Variants in LRMDA observed in about 807,000 individuals in gnomAD.
LRMDA encodes the protein leucine rich melanocyte differentiation associated.
Under a neutral mutation model 29.8 loss-of-function variants are expected in LRMDA, and 18 were observed. The ratio of observed to expected loss-of-function variants is 0.60; its 90% confidence interval spans 0.42 to 0.90. LRMDA has a LOEUF of 0.90. Ranked by LOEUF, LRMDA falls within the 40% of genes least tolerant of loss-of-function variation. LRMDA has a pLI of 0.00. For missense variants in LRMDA, 273 were observed against 273.9 expected, an observed-to-expected ratio of 1.00 and a Z score of 0.02; for synonymous variants, 125 against 109.4, an observed-to-expected ratio of 1.14 and a Z score of -0.89.
At chr10:75,652,778 G>T (rs1438054846) in intron 2 of LRMDA, among the ~76,000 whole-genome samples, 1 of 152,090 alleles carries the variant, frequency 6.6e-6, no homozygotes, top group African/African-American at 2.4e-5. Flanking sequence ...TGAAAATAGG[G>T]TCCCCTTTGA....
At chr10:75,575,820 C>T (rs1452318086) in intron 2 of LRMDA, among the ~76,000 whole-genome samples, 3 of 152,294 alleles carry the variant, frequency 2.0e-5, no homozygotes, top group Non-Finnish European at 4.4e-5. Context: ...CTGTATCATG[C>T]ACTCCGGCCC....
At chr10:75,913,931 C>T (rs1189631855) in intron 2 of LRMDA, among the ~76,000 whole-genome samples, 3 of 152,164 alleles carry the variant, frequency 2.0e-5, no homozygotes, top group African/African-American at 7.2e-5. Flanking sequence ...CTTGCCCCGC[C>T]GTGGGGGTAA....
chr10:75,903,279 G>T (rs1344685152), intron 2 of LRMDA, among the ~76,000 whole-genome samples: 1 of 152,206 alleles, frequency 6.6e-6, no homozygotes, highest in Non-Finnish European at 1.5e-5. Context: ...GGGTAACTGA[G>T]CACAGGTCAG....
At chr10:76,138,417 A>C (rs1309452204) in intron 5 of LRMDA, among the ~76,000 whole-genome samples, 1 of 151,986 alleles carries the variant, frequency 6.6e-6, no homozygotes, top group Non-Finnish European at 1.5e-5. Context: ...CACCTTGCCT[A>C]TTTCTACTTC....
intron 2 of LRMDA, among the ~76,000 whole-genome samples, chr10:75,857,992 A>C (rs982778861): frequency 6.6e-6 from 1 of 152,220 alleles, no homozygotes; most frequent in Non-Finnish European, 1.5e-5. Context: ...TTAGAAAGAG[A>C]AAAAGGATTT....
At chr10:75,528,975 A>G (rs1190219890) in intron 2 of LRMDA, among the ~76,000 whole-genome samples, 5 of 152,208 alleles carry the variant, frequency 3.3e-5, no homozygotes, top group Non-Finnish European at 7.3e-5. Flanking sequence ...TTTCTTAGAA[A>G]GCAGAGTAAG....
intron 5 of LRMDA, among the ~76,000 whole-genome samples, chr10:76,224,911 A>G (rs1194107307): frequency 6.6e-6 from 1 of 151,994 alleles, no homozygotes; most frequent in African/African-American, 2.4e-5. Context: ...TCTTAACAAT[A>G]TAAACCCAGC....
chr10:76,491,688 CCTT>C (rs1283822866), intron 6 of LRMDA, among the ~76,000 whole-genome samples: 1 of 151,776 alleles, frequency 6.6e-6, no homozygotes, highest in East Asian at 1.9e-4. Context: ...TGTTCTATAA[CCTT>C]CTTATACTTG....
chr10:76,038,375 C>A (rs1848286844), intron 3 of LRMDA, among the ~76,000 whole-genome samples: 1 of 152,192 alleles, frequency 6.6e-6, no homozygotes, highest in Non-Finnish European at 1.5e-5. Context: ...TCCACTTTTC[C>A]AATCTGTAGC....
chr10:75,572,805 G>A (rs2132071267), intron 2 of LRMDA, among the ~76,000 whole-genome samples: 1 of 152,274 alleles, frequency 6.6e-6, no homozygotes, highest in Non-Finnish European at 1.5e-5. Flanking sequence ...AAGTTTAGAT[G>A]AGGCCATAAC....
chr10:75,501,517 G>T (rs1449657975), intron 2 of LRMDA, among the ~76,000 whole-genome samples: 1 of 152,180 alleles, frequency 6.6e-6, no homozygotes, highest in African/African-American at 2.4e-5. Context: ...GTTTATAGAC[G>T]TGGAATGAGG....
At chr10:76,309,036 A>G (rs1325967494) in intron 5 of LRMDA, among the ~76,000 whole-genome samples, 1 of 151,898 alleles carries the variant, frequency 6.6e-6, no homozygotes, top group Non-Finnish European at 1.5e-5. Flanking sequence ...AAAAAAGTTG[A>G]TAACAGCTGG....
intron 6 of LRMDA, among the ~76,000 whole-genome samples, chr10:76,505,945 C>G (rs2637240): frequency 6.6e-6 from 1 of 151,882 alleles, no homozygotes; most frequent in African/African-American, 2.4e-5. Context: ...TGTTTCTGGG[C>G]GCTTTCAGGG....
intron 6 of LRMDA, among the ~76,000 whole-genome samples, chr10:76,552,239 T>C (rs932835445): frequency 1.3e-5 from 2 of 152,258 alleles, no homozygotes; most frequent in African/African-American, 4.8e-5. Context: ...CTTGCTTTGA[T>C]GGCTGGGCTT....
At chr10:76,278,512 A>G (rs951060619) in intron 5 of LRMDA, among the ~76,000 whole-genome samples, 3 of 152,144 alleles carry the variant, frequency 2.0e-5, no homozygotes, top group Non-Finnish European at 4.4e-5. Context: ...GCTTTGTTAT[A>G]CTGTCTTATC....
intron 2 of LRMDA, among the ~76,000 whole-genome samples, chr10:75,507,523 G>C (rs1266006334): frequency 6.6e-6 from 1 of 152,198 alleles, no homozygotes; most frequent in East Asian, 1.9e-4. Context: ...GTCACCCAGA[G>C]AGACAGGCAG....
At chr10:76,002,881 G>A (rs1186563623) in intron 2 of LRMDA, among the ~76,000 whole-genome samples, 1 of 152,204 alleles carries the variant, frequency 6.6e-6, no homozygotes, top group Non-Finnish European at 1.5e-5. Context: ...TCTGGGCCTG[G>A]GGATGATTCA....
At chr10:75,564,100 G>A (rs1840338287) in intron 2 of LRMDA, among the ~76,000 whole-genome samples, 1 of 152,106 alleles carries the variant, frequency 6.6e-6, no homozygotes, top group South Asian at 2.1e-4. Flanking sequence ...AGAGGTTACT[G>A]CTGTCTTTTT....
At chr10:75,979,227 G>T (rs775565911) in intron 2 of LRMDA, among the ~76,000 whole-genome samples, 3 of 152,112 alleles carry the variant, frequency 2.0e-5, no homozygotes, top group Non-Finnish European at 4.4e-5. Flanking sequence ...TAATAATAAT[G>T]ATTACAATAG....
Sources: allele counts gnomAD v4.1 joint callset (sites outside exome capture counted in the v4.1 genomes callset), GRCh38; gene constraint gnomAD v4.1.1; transcripts MANE v1.5; gene names NCBI Gene and HGNC (gene_info 2026-07-23, HGNC 2026-07-21).